The following CIRBP variants were observed in gnomAD, a reference collection of about 807,000 sequenced individuals.
CIRBP encodes cold inducible RNA binding protein.
Under a neutral mutation model 22.3 loss-of-function variants are expected in CIRBP, and 11 were observed. The observed-to-expected ratio is 0.49, with a 90% CI of 0.31 to 0.82. The LOEUF (loss-of-function observed/expected upper bound fraction) is 0.82. Among genes scored for constraint, CIRBP ranks in the 40% least tolerant of loss-of-function variants. The pLI is 0.05. For missense variants in CIRBP, 456 were observed against 402.7 expected (o/e 1.13, Z -1.13); for synonymous variants, 216 against 158.8 (o/e 1.36, Z -2.71).
Position 1,271,477 on chromosome 19 carries a change from A to G in CIRBP, c.349+10A>G. ...CGTGGGTTCTCTAGAGGTGAGTGCC[A>G]TGAGTGGGTCCCTTGGGGATGCTGT... On this transcript the variant is annotated intron_variant, in intron 4 of 5. Transcript: ENST00000587896. 3 of 1,605,190 alleles carry G rather than the reference A, an allele frequency of 1.9e-6. No individual in the cohort carries two copies. The highest frequency in any genetic ancestry group is 2.6e-6 in the Non-Finnish European group (3 of 1,175,644).
In CIRBP at chr19:1,272,211, G is replaced by C; in HGVS notation, c.662G>C (p.Arg221Thr). The change falls in exon 6 of 6, where the codon AGG (arginine) becomes ACG (threonine). Residue 221 changes from arginine to threonine, a missense_variant. Physicochemically the swap from Arg to Thr is moderately conservative, Grantham distance 71 (BLOSUM62 -1). Transcript: ENST00000587896. ...TCCTCTCAGAGCCATTTCTATCGCA[G>C]GACGCAAAAGCCAAATGAGACTGAC... ...HLSSQSHFYR[R>T]TQKPNETDQK... 6.3e-7 allele frequency: 1 copy of C among 1,593,682 alleles called. No individual in the cohort carries two copies. The highest frequency in any genetic ancestry group is 1.1e-5 in the South Asian group (1 of 89,960).
rs200542083 is a variant in CIRBP, at chr19:1,271,478, T to C, written c.349+11T>C. On this transcript the variant is annotated intron_variant, in intron 4 of 5. Coordinates refer to ENST00000587896, the MANE Select transcript of CIRBP (RefSeq NM_001300829.2). ...GTGGGTTCTCTAGAGGTGAGTGCCA[T>C]GAGTGGGTCCCTTGGGGATGCTGTG... The C allele has an allele frequency of 1.8e-4, 288 of 1,604,942 alleles. 1 individual carries two copies. Among genetic ancestry groups the C allele is most frequent in the Admixed American group, 4.7e-4 (28 of 59,116 alleles).
At chr19:1,270,219 T>C in intron 1 of CIRBP, 1 of 374,510 alleles carries the variant, frequency 2.7e-6, no homozygotes, top group Non-Finnish European at 5.3e-6. Context: ...CGGGGCGGCC[T>C]CCCTGACAGC....
intron 1 of CIRBP, chr19:1,270,108 C>T (rs769029018): frequency 1.2e-5 from 6 of 519,278 alleles, no homozygotes; most frequent in Non-Finnish European, 1.9e-5. Flanking sequence ...CTTCCCCTGC[C>T]TGGAAATCCT....
At position 1,271,983 on chromosome 19, in the gene CIRBP, G is replaced by A. The variant is rs1276098087; in HGVS notation, c.434G>A (p.Arg145Gln). 5.6e-6 allele frequency: 9 copies of A among 1,605,390 alleles called. No homozygotes were observed. Among genetic ancestry groups the A allele is most frequent in the African/African-American group, 1.3e-5 (1 of 74,744 alleles). Residue 145 changes from arginine to glutamine, a missense_variant and splice_region_variant, in exon 6 of 6, where the codon CGG becomes CAG. Physicochemically the swap from Arg to Gln is conservative, Grantham distance 43 (BLOSUM62 1). Around this residue, in one of 2 missense-constraint regions of CIRBP, gnomAD observed 426 missense variants for 339.6 expected, o/e 1.25. Transcript: ENST00000587896. The stretch of plus-strand genomic sequence containing the variant: ...CTCAACGTTTGTCTGTCTTGCAGCC[G>A]GAGTCAGAGTGGTGGCTACAGTGAC... ...YGGSRDYYSS[R>Q]SQSGGYSDRS...
In CIRBP at chr19:1,274,671, C is replaced by T. The variant is rs2081393593; in HGVS notation, c.*2228C>T. On this transcript the variant is annotated 3_prime_UTR_variant, in exon 6 of 6. Transcript: ENST00000587896. ...CAGGAGGCGCTTCGCCAGTGAGGTGCGGGCTCAGGGCCTCGAGTCTCTCCT... is the reference window on the plus strand; with the variant it reads ...CAGGAGGCGCTTCGCCAGTGAGGTGTGGGCTCAGGGCCTCGAGTCTCTCCT... The T allele has an allele frequency of 4.9e-6, 1 of 202,498 alleles. No individual in the cohort carries two copies. Among genetic ancestry groups the T allele is most frequent in the Non-Finnish European group, 9.9e-6 (1 of 101,336 alleles). The allele number at this position is 202,498 out of a possible 1,614,324, so 12.5% of individuals were successfully genotyped here.
In CIRBP at chr19:1,274,004, C is replaced by CT. The variant is rs1261151644; in HGVS notation, c.*1565dup. On this transcript the variant is annotated 3_prime_UTR_variant, in exon 6 of 6. Coordinates refer to ENST00000587896, the MANE Select transcript of CIRBP (RefSeq NM_001300829.2). The stretch of plus-strand genomic sequence containing the variant: ...TTGGATTTTTTGCTCAATTGACCGT[C>CT]TTTTCCAGACCTCTTTAAGTCACAC... 3.6e-6 allele frequency: 1 copy of CT among 274,174 alleles called. No individual in the cohort carries two copies. Among genetic ancestry groups the CT allele is most frequent in the Non-Finnish European group, 6.8e-6 (1 of 147,572 alleles). 17.0% of individuals were successfully genotyped at this position (274,174 alleles called of 1,614,324 possible).
rs2081356052 is a variant in CIRBP, at chr19:1,272,285, A to AT, written c.737dup (p.Met246IlefsTer78). The AT allele has an allele frequency of 1.2e-6, 2 of 1,613,036 alleles. No individual in the cohort carries two copies. The highest frequency in any genetic ancestry group is 4.5e-5 in the East Asian group (2 of 44,886). On this transcript the variant is annotated frameshift_variant, in exon 6 of 6. Coordinates refer to ENST00000587896, the MANE Select transcript of CIRBP (RefSeq NM_001300829.2). LOFTEE classifies it low-confidence loss of function (END_TRUNC). ...GCCCGCTGGGCAGTCAGCTAGGTGCATGTGTGGCCGCAGGCCAGCCTCCCT... is the reference window on the plus strand; with the variant it reads ...GCCCGCTGGGCAGTCAGCTAGGTGCATTGTGTGGCCGCAGGCCAGCCTCCCT...
chr19:1,269,719 C>T (rs774836797), intron 1 of CIRBP: 6 of 359,994 alleles, frequency 1.7e-5, no homozygotes, highest in Admixed American at 3.7e-5. Context: ...GCGCGCGGGG[C>T]GCATGCGCAC....
At chr19:1,270,283 G>A in intron 1 of CIRBP, 1 of 365,496 alleles carries the variant, frequency 2.7e-6, no homozygotes, top group Non-Finnish European at 5.5e-6. Flanking sequence ...AGCACGTTCT[G>A]GTCCAGCAAC....
In CIRBP at chr19:1,274,134, C is replaced by T. The variant is rs972137115; in HGVS notation, c.*1691C>T. ...CCATACGGGTAGCTGGCTCCAGCTG[C>T]GCCAAGGTGCAGACCCGCCCTGGGC... On this transcript the variant is annotated 3_prime_UTR_variant, in exon 6 of 6. Coordinates refer to ENST00000587896, the MANE Select transcript of CIRBP (RefSeq NM_001300829.2). 1.3e-5 allele frequency: 5 copies of T among 392,298 alleles called. No homozygotes were observed. The highest frequency in any genetic ancestry group is 4.4e-5 in the Admixed American group (1 of 22,546). 24.3% of individuals were successfully genotyped at this position (392,298 alleles called of 1,614,324 possible). A position where few individuals can be genotyped will look rare whatever the true frequency, so the allele number is the denominator to read the frequency against.
intron 2 of CIRBP, 31 bp downstream of exon 2, chr19:1,271,067 G>A: frequency 6.2e-7 from 1 of 1,610,826 alleles, no homozygotes; most frequent in African/African-American, 1.3e-5. Flanking sequence ...GCGGCCCTGG[G>A]CGGGGGGGCT....
At position 1,272,788 on chromosome 19, in the gene CIRBP, T is replaced by C. The variant is rs1404765434; in HGVS notation, c.*345T>C. 1 of 194,590 alleles carries C rather than the reference T, an allele frequency of 5.1e-6. No individual in the cohort carries two copies. Among genetic ancestry groups the C allele is most frequent in the Non-Finnish European group, 1.1e-5 (1 of 94,566 alleles). The allele number at this position is 194,590 out of a possible 1,614,324, so 12.1% of individuals were successfully genotyped here. A position where few individuals can be genotyped will look rare whatever the true frequency, so the allele number is the denominator to read the frequency against. On this transcript the variant is annotated 3_prime_UTR_variant, in exon 6 of 6. Transcript: ENST00000587896. ...TTTGGTTGCGTTGCCTTTTTTTTTTTAGTGGGGTTGGCCCCATGAAGTGGG... is the reference window on the plus strand; with the variant it reads ...TTTGGTTGCGTTGCCTTTTTTTTTTCAGTGGGGTTGGCCCCATGAAGTGGG...
rs1466996580 is a variant in CIRBP at position 1,272,517 on chromosome 19, A to T, written c.*74A>T. 8.0e-7 allele frequency: 1 copy of T among 1,247,600 alleles called. No individual in the cohort carries two copies. Among genetic ancestry groups the T allele is most frequent in the Non-Finnish European group, 1.1e-6 (1 of 889,504 alleles). 77.3% of individuals were successfully genotyped at this position (1,247,600 alleles called of 1,614,324 possible). On this transcript the variant is annotated 3_prime_UTR_variant, in exon 6 of 6. Coordinates refer to ENST00000587896, the MANE Select transcript of CIRBP (RefSeq NM_001300829.2). Reference sequence around the variant, plus strand: ...ATTGTGGGAGCTTCGCTGAACGTTAATGTGTAGTAAATGCACCTCCTTGTA... The same window carrying T: ...ATTGTGGGAGCTTCGCTGAACGTTATTGTGTAGTAAATGCACCTCCTTGTA...
chr19:1,270,783 A>G, intron 1 of CIRBP, 145 bp from the exon 2 acceptor site: 1 of 695,620 alleles, frequency 1.4e-6, no homozygotes, highest in Non-Finnish European at 2.5e-6. Flanking sequence ...AATAAGTCCT[A>G]GGTATGAGTT....
Position 1,270,923 on chromosome 19 carries a change from C to T in CIRBP, c.-6-5C>T, listed in dbSNP as rs2081328926. 1.9e-6 allele frequency: 3 copies of T among 1,609,250 alleles called. No individual in the cohort carries two copies. The highest frequency in any genetic ancestry group is 1.1e-5 in the South Asian group (1 of 90,962). On this transcript the variant is annotated splice_polypyrimidine_tract_variant and splice_region_variant and intron_variant, in intron 1 of 5. Coordinates refer to ENST00000587896, the MANE Select transcript of CIRBP (RefSeq NM_001300829.2). ...TGTTGAGGATTTCATTGGTGTCTGC[C>T]ACAGGCCGCCATGGCATCAGATGAA... is the stretch of plus-strand genomic sequence containing the variant.
rs2081340948 is a variant in CIRBP, at chr19:1,271,591, C to T, written c.390C>T (p.Ser130=). The T allele has an allele frequency of 2.5e-6, 4 of 1,569,322 alleles. No homozygotes were observed. The highest frequency in any genetic ancestry group is 2.6e-6 in the Non-Finnish European group (3 of 1,159,436). ...DRGYGGNRFE[S]RSGGYGGSRD... is the part of the protein sequence containing the mutation. ...GCTATGGGGGGAACCGGTTCGAGTC[C>T]AGGAGTGGGGGCTACGGAGGCTCCA... The change falls in exon 5 of 6, where the codon TCC becomes TCT. Residue 130 remains serine, a synonymous_variant. Coordinates refer to ENST00000587896, the MANE Select transcript of CIRBP (RefSeq NM_001300829.2).
Position 1,274,668 on chromosome 19 carries a change from G to T in CIRBP, c.*2225G>T, listed in dbSNP as rs2081393540. 1 of 206,878 alleles carries T rather than the reference G, an allele frequency of 4.8e-6. No individual in the cohort carries two copies. Among genetic ancestry groups the T allele is most frequent in the Admixed American group, 6.0e-5 (1 of 16,638 alleles). 12.8% of individuals were successfully genotyped at this position (206,878 alleles called of 1,614,324 possible). On this transcript the variant is annotated 3_prime_UTR_variant, in exon 6 of 6. Transcript: ENST00000587896. ...TTCCAGGAGGCGCTTCGCCAGTGAGGTGCGGGCTCAGGGCCTCGAGTCTCT... is the reference window on the plus strand; with the variant it reads ...TTCCAGGAGGCGCTTCGCCAGTGAGTTGCGGGCTCAGGGCCTCGAGTCTCT...
chr19:1,271,839 A>G (rs2145530673), intron 5 of CIRBP, 142 bp from the exon 6 acceptor site: 1 of 790,262 alleles, frequency 1.3e-6, no homozygotes. Context: ...GATTTTGAAC[A>G]ATTTCCAAGA....
Sources: allele counts gnomAD v4.1 joint callset, GRCh38; gene constraint gnomAD v4.1.1; regional missense constraint gnomAD v4.1.1; transcripts MANE v1.5; gene names NCBI Gene and HGNC (gene_info 2026-07-23, HGNC 2026-07-21).